MSI2: variants seen among roughly 807,000 people sequenced by gnomAD.
The protein encoded by MSI2 is RNA-binding protein Musashi homolog 2.
A neutral mutation model predicts 45.6 loss-of-function variants in MSI2; 17 were observed. That is an observed-to-expected ratio of 0.37 (90% CI 0.26 to 0.56). MSI2 has a LOEUF of 0.56. Ranked by LOEUF, MSI2 falls within the 20% of genes least tolerant of loss-of-function variation. The pLI, the probability that MSI2 is intolerant of heterozygous loss-of-function variation, is 0.77. For missense variants in MSI2, 293 were observed against 444.2 expected (o/e 0.66, Z 3.06); for synonymous variants, 156 against 158.2 (o/e 0.99, Z 0.11).
chr17:57,510,363 A>G (rs1285054371), intron 6 of MSI2, among the ~76,000 whole-genome samples: 1 of 149,452 alleles, frequency 6.7e-6, no homozygotes, highest in East Asian at 1.9e-4. Context: ...CTTTGGTTCC[A>G]CTGGCGTGAG....
At chr17:57,329,256 T>C (rs1237798442) in intron 5 of MSI2, among the ~76,000 whole-genome samples, 1 of 152,240 alleles carries the variant, frequency 6.6e-6, no homozygotes, top group Admixed American at 6.5e-5. Flanking sequence ...GAGGAGGTTT[T>C]TAGCACCTTC....
At chr17:57,297,936 T>C (rs553548514) in intron 5 of MSI2, among the ~76,000 whole-genome samples, 2 of 152,338 alleles carry the variant, frequency 1.3e-5, no homozygotes, top group Non-Finnish European at 2.9e-5. Context: ...GTTCCCTTGC[T>C]CTTTCCACCA....
chr17:57,604,694 G>A (rs1906327993), intron 8 of MSI2, among the ~76,000 whole-genome samples: 1 of 152,186 alleles, frequency 6.6e-6, no homozygotes, highest in Non-Finnish European at 1.5e-5. Flanking sequence ...CTGGGGGATT[G>A]ACTCGGAACA....
chr17:57,644,216 T>TG (rs1268883858), intron 10 of MSI2, among the ~76,000 whole-genome samples: 3 of 146,864 alleles, frequency 2.0e-5, no homozygotes, highest in Non-Finnish European at 3.1e-5. Context: ...GGTAAGTTGT[T>TG]TTTTTTTTTT....
intron 7 of MSI2, among the ~76,000 whole-genome samples, chr17:57,542,421 A>G (rs531439808): frequency 6.6e-6 from 1 of 152,240 alleles, no homozygotes; most frequent in East Asian, 1.9e-4. Flanking sequence ...TCTGGCTGAG[A>G]TAATTTATCC....
At chr17:57,495,109 GTCTGAAC>G (rs1473271680) in intron 6 of MSI2, among the ~76,000 whole-genome samples, 1 of 152,126 alleles carries the variant, frequency 6.6e-6, no homozygotes, top group East Asian at 1.9e-4. Context: ...CCTACAAGAT[GTCTGAAC>G]TGACGCTCTC....
intron 7 of MSI2, among the ~76,000 whole-genome samples, chr17:57,539,115 A>C (rs2086985844): frequency 6.6e-6 from 1 of 152,174 alleles, no homozygotes; most frequent in African/African-American, 2.4e-5. Flanking sequence ...TTTATGGGGA[A>C]GAGAATTAAG....
intron 6 of MSI2, among the ~76,000 whole-genome samples, chr17:57,443,850 G>A (rs1305133817): frequency 1.3e-5 from 2 of 152,290 alleles, no homozygotes; most frequent in Admixed American, 6.5e-5. Flanking sequence ...CCAGGGCAAC[G>A]TGCCTGGGAC....
At chr17:57,515,265 A>T (rs1182998840) in intron 6 of MSI2, among the ~76,000 whole-genome samples, 2 of 151,998 alleles carry the variant, frequency 1.3e-5, no homozygotes, top group African/African-American at 4.8e-5. Flanking sequence ...GTGCAATGGC[A>T]TGATCTCGGC....
chr17:57,627,424 A>G lies in MSI2; in HGVS notation c.727+121A>G. On this transcript the variant is annotated intron_variant, in intron 10 of 13. Transcript: ENST00000284073. This position sits in a 1 kb window ranked among gnomAD's most constrained non-coding sequence, Gnocchi z 4.6. ...ATGCATCCACTTGAAAATGACCTAT[A>G]CATGATAAATTTCAAATCCACTGAA... The G allele has an allele frequency of 1.1e-6, 1 of 882,080 alleles. No homozygotes were observed. The allele number at this position is 882,080 out of a possible 1,614,324, so 54.6% of individuals were successfully genotyped here. A position where few individuals can be genotyped will look rare whatever the true frequency, so the allele number is the denominator to read the frequency against.
intron 7 of MSI2, among the ~76,000 whole-genome samples, chr17:57,583,493 T>TTTTTTTTC (rs1567916088): frequency 3.4e-5 from 5 of 147,888 alleles, no homozygotes; most frequent in Admixed American, 6.7e-5. Flanking sequence ...TGTTTCTTTT[T>TTTTTTTTC]TTTTTTTTTT....
At chr17:57,471,591 C>A (rs922160993) in intron 6 of MSI2, among the ~76,000 whole-genome samples, 15 of 152,148 alleles carry the variant, frequency 9.9e-5, no homozygotes, top group African/African-American at 3.6e-4. Context: ...TTGAGCTGCT[C>A]CCTAATCCCA....
At chr17:57,387,968 C>T (rs867284611) in intron 5 of MSI2, among the ~76,000 whole-genome samples, 10 of 152,316 alleles carry the variant, frequency 6.6e-5, no homozygotes, top group African/African-American at 2.4e-4. Flanking sequence ...CAGTCACTTG[C>T]AGTGATCACC....
rs746464774 is a variant in MSI2, at chr17:57,256,720, T to C, written c.-23T>C. ...GCTGTGGGGCTTGGTTTTTTGGGGG[T>C]GGGGGGGCGGGGGGGCTCAGATATG... is the stretch of plus-strand genomic sequence containing the variant. On this transcript the variant is annotated 5_prime_UTR_variant, in exon 1 of 14. Coordinates refer to ENST00000284073, the MANE Select transcript of MSI2 (RefSeq NM_138962.4). 10 of 408,434 alleles carry C rather than the reference T, an allele frequency of 2.4e-5. No homozygotes were observed. The highest frequency in any genetic ancestry group is 3.7e-5 in the South Asian group (1 of 27,382). 25.3% of individuals were successfully genotyped at this position (408,434 alleles called of 1,614,324 possible).
intron 8 of MSI2, among the ~76,000 whole-genome samples, chr17:57,603,124 A>G (rs1906097849): frequency 6.6e-6 from 1 of 151,718 alleles, no homozygotes; most frequent in Non-Finnish European, 1.5e-5. Context: ...ACCACTCCAT[A>G]CTCCCTCTAT....
At chr17:57,340,326 T>G (rs1410218720) in intron 5 of MSI2, among the ~76,000 whole-genome samples, 3 of 152,176 alleles carry the variant, frequency 2.0e-5, no homozygotes, top group African/African-American at 4.8e-5. Context: ...TTAACCCTTT[T>G]GCCAGTACAG....
At chr17:57,665,834 T>C (rs1912324318) in intron 11 of MSI2, among the ~76,000 whole-genome samples, 3 of 152,162 alleles carry the variant, frequency 2.0e-5, no homozygotes, top group South Asian at 4.1e-4. Flanking sequence ...AACCAGGGCT[T>C]ACTTTCCCTC....
intron 6 of MSI2, among the ~76,000 whole-genome samples, chr17:57,506,126 G>A (rs940081870): frequency 3.3e-5 from 5 of 152,202 alleles, no homozygotes; most frequent in Admixed American, 1.3e-4. Context: ...TGTGGCAAGC[G>A]GAGGTGGGAC....
At chr17:57,635,322 A>G (rs984704774) in intron 10 of MSI2, among the ~76,000 whole-genome samples, 4 of 152,250 alleles carry the variant, frequency 2.6e-5, no homozygotes, top group Admixed American at 2.0e-4. Context: ...GAACTTCCAT[A>G]GTGAGTCAGA....
Sources: allele counts gnomAD v4.1 joint callset (sites outside exome capture counted in the v4.1 genomes callset), GRCh38; gene constraint gnomAD v4.1.1; non-coding constraint Gnocchi (gnomAD v3.1); transcripts MANE v1.5; gene names NCBI Gene and HGNC (gene_info 2026-07-23, HGNC 2026-07-21).